The following CPNE4 variants were observed in gnomAD, a reference collection of about 807,000 sequenced individuals.
CPNE4 encodes the protein copine-4.
Under a neutral mutation model 67.9 loss-of-function variants are expected in CPNE4, and 25 were observed. The ratio of observed to expected loss-of-function variants is 0.37; its 90% CI spans 0.27 to 0.51. The LOEUF is 0.51. CPNE4 is among the 20% of genes least tolerant of loss of function. The pLI is 0.93. For synonymous variants in CPNE4, 242 were observed against 244.9 expected, an observed-to-expected ratio of 0.99 and a Z score of 0.11; for missense variants, 464 against 690.8, an observed-to-expected ratio of 0.67 and a Z score of 3.68.
At chr3:131,848,950 T>G (rs1282785030) in intron 2 of CPNE4, among the ~76,000 whole-genome samples, 1 of 70,532 alleles carries the variant, frequency 1.4e-5, no homozygotes, top group Non-Finnish European at 2.5e-5. Flanking sequence ...ATGACAGTAG[T>G]GATTACAAAA....
chr3:131,571,388 C>G (rs1186909955), intron 10 of CPNE4, among the ~76,000 whole-genome samples: 1 of 152,038 alleles, frequency 6.6e-6, no homozygotes, highest in Non-Finnish European at 1.5e-5. Context: ...TGACTCTCCC[C>G]TGAAACCTAG....
chr3:131,668,008 C>T (rs1260912385), intron 7 of CPNE4, among the ~76,000 whole-genome samples: 1 of 152,162 alleles, frequency 6.6e-6, no homozygotes, highest in Non-Finnish European at 1.5e-5. Context: ...TGCATAGGAG[C>T]TTCCACATGA....
intron 6 of CPNE4, among the ~76,000 whole-genome samples, chr3:131,676,550 T>G (rs1008812910): frequency 1.3e-5 from 2 of 152,178 alleles, no homozygotes; most frequent in Non-Finnish European, 2.9e-5. Context: ...TGCCCTCTGA[T>G]AGGCCCCAGT....
chr3:131,609,899 C>T (rs1268094652), intron 7 of CPNE4, among the ~76,000 whole-genome samples: 3 of 152,094 alleles, frequency 2.0e-5, no homozygotes, highest in Non-Finnish European at 4.4e-5. Flanking sequence ...GATATAAGAG[C>T]CCCTACTGGA....
At chr3:131,977,871 C>G (rs1260210045) in intron 1 of CPNE4, among the ~76,000 whole-genome samples, 1 of 150,852 alleles carries the variant, frequency 6.6e-6, no homozygotes, top group Non-Finnish European at 1.5e-5. Context: ...TCCACTGTGT[C>G]ATTCTTATGC....
chr3:132,027,245 AG>A (rs1174661300), intron 1 of CPNE4, among the ~76,000 whole-genome samples: 1 of 152,176 alleles, frequency 6.6e-6, no homozygotes, highest in Non-Finnish European at 1.5e-5. Context: ...CAGGCCCAGG[AG>A]TGAAGAAGCC....
chr3:131,773,656 T>C (rs878877348), intron 2 of CPNE4, among the ~76,000 whole-genome samples: 13 of 152,066 alleles, frequency 8.5e-5, no homozygotes, highest in Non-Finnish European at 1.5e-4. Context: ...CCAAGGAAGA[T>C]TTAAATAAGA....
chr3:131,904,031 T>G (rs2107772321), intron 2 of CPNE4, among the ~76,000 whole-genome samples: 1 of 152,234 alleles, frequency 6.6e-6, no homozygotes, highest in East Asian at 1.9e-4. Flanking sequence ...AAGTCATCTC[T>G]TAACAACGTG....
chr3:131,895,396 T>C (rs2088287536), intron 2 of CPNE4, among the ~76,000 whole-genome samples: 1 of 152,012 alleles, frequency 6.6e-6, no homozygotes, highest in South Asian at 2.1e-4. Flanking sequence ...GATAAATGCA[T>C]GAGATGAAGC....
At chr3:131,819,445 C>A (rs1398770) in intron 2 of CPNE4, among the ~76,000 whole-genome samples, 4,795 of 151,606 alleles carry the variant, frequency 0.032, 180 homozygotes, top group South Asian at 0.095. Flanking sequence ...CCCCAGTATG[C>A]ATTTTACAGT....
chr3:131,645,021 G>T (rs1214206191), intron 7 of CPNE4, among the ~76,000 whole-genome samples: 1 of 152,214 alleles, frequency 6.6e-6, no homozygotes, highest in Non-Finnish European at 1.5e-5. Flanking sequence ...TGCCAACAGA[G>T]ATGCTGGAGG....
At chr3:131,965,110 T>C (rs1052050361) in intron 1 of CPNE4, among the ~76,000 whole-genome samples, 5 of 152,224 alleles carry the variant, frequency 3.3e-5, no homozygotes, top group Non-Finnish European at 7.3e-5. Flanking sequence ...CAGAATTTCA[T>C]ATCTAGCCAA....
At chr3:131,752,429 T>C (rs756447399) in intron 2 of CPNE4, among the ~76,000 whole-genome samples, 10 of 152,100 alleles carry the variant, frequency 6.6e-5, no homozygotes, top group Non-Finnish European at 1.2e-4. Context: ...CAGCACACTT[T>C]AATGTTTGCT....
chr3:131,685,780 C>CAA (rs1553753001), intron 6 of CPNE4, 95 bp downstream of exon 6: 12 of 794,764 alleles, frequency 1.5e-5, no homozygotes, highest in Non-Finnish European at 2.4e-5. Context: ...GACTCCACCT[C>CAA]AACACACACA....
At chr3:131,628,927 C>G (rs2079150195) in intron 7 of CPNE4, among the ~76,000 whole-genome samples, 1 of 149,018 alleles carries the variant, frequency 6.7e-6, no homozygotes, top group Admixed American at 6.7e-5. Context: ...TTAGTTATTT[C>G]TTGCCTTCTG....
At chr3:131,965,445 T>A (rs1237183962) in intron 1 of CPNE4, among the ~76,000 whole-genome samples, 2 of 152,080 alleles carry the variant, frequency 1.3e-5, no homozygotes, top group East Asian at 3.9e-4. Flanking sequence ...GGATAAAGAA[T>A]CAAGACCCAC....
intron 1 of CPNE4, among the ~76,000 whole-genome samples, chr3:131,927,500 G>A (rs2070929317): frequency 6.6e-6 from 1 of 151,982 alleles, no homozygotes; most frequent in South Asian, 2.1e-4. Context: ...TGTCATTGCA[G>A]AGTTATTTAT....
intron 2 of CPNE4, among the ~76,000 whole-genome samples, chr3:131,896,420 A>G (rs2088333878): frequency 6.6e-6 from 1 of 152,116 alleles, no homozygotes; most frequent in African/African-American, 2.4e-5. Context: ...AACTAATAGC[A>G]CAAACCTGGG....
chr3:131,917,199 G>A (rs376409826), intron 1 of CPNE4, among the ~76,000 whole-genome samples: 4 of 152,266 alleles, frequency 2.6e-5, no homozygotes, highest in East Asian at 1.9e-4. Context: ...TTTCTAACGT[G>A]GCAGTACCTT....
Sources: gnomAD v4.1 joint callset for allele counts (sites outside exome capture counted in the v4.1 genomes callset) on GRCh38, gnomAD v4.1.1 for gene constraint, MANE v1.5 for transcripts, NCBI Gene and HGNC (gene_info 2026-07-23, HGNC 2026-07-21) for gene names.